Variants in CR2 observed in about 807,000 individuals in gnomAD.
CR2 encodes the protein complement receptor type 2.
Under a neutral mutation model 123.0 loss-of-function variants are expected in CR2, and 96 were observed. The observed-to-expected ratio is 0.78, with a 90% CI of 0.66 to 0.93. The LOEUF is 0.93. Ranked by LOEUF, CR2 falls within the 40% of genes least tolerant of loss-of-function variation. CR2 has a pLI of 0.00. For synonymous variants in CR2, 484 were observed against 469.5 expected (o/e 1.03, Z -0.40); for missense variants, 1,258 against 1,361.0 (o/e 0.92, Z 1.19).
intron 18 of CR2, among the ~76,000 whole-genome samples, chr1:207,484,175 T>G (rs542621942): frequency 7.2e-5 from 11 of 152,306 alleles, no homozygotes; most frequent in African/African-American, 2.4e-4. Flanking sequence ...GTATAAAAAT[T>G]TGCAAATTTG....
chr1:207,459,462 T>C (rs887924451), intron 1 of CR2, among the ~76,000 whole-genome samples: 2 of 152,182 alleles, frequency 1.3e-5, no homozygotes, highest in Non-Finnish European at 2.9e-5. Flanking sequence ...ATAATGATTT[T>C]CCCTCCTACC....
chr1:207,486,230 C>CAAAAAAAAAAAAAAAAAAA lies in CR2; in HGVS notation c.*18+666_*18+684dup, dbSNP rs1173937738. 5.3e-4 allele frequency among the ~76,000 whole-genome samples: 23 copies of CAAAAAAAAAAAAAAAAAAA among 43,002 alleles called. 2 individuals carry two copies. Among genetic ancestry groups the CAAAAAAAAAAAAAAAAAAA allele is most frequent in the South Asian group, 2.9e-3 (2 of 690 alleles). 28.2% of individuals were successfully genotyped at this position (43,002 alleles called of 152,430 possible). A position where few individuals can be genotyped will look rare whatever the true frequency, so the allele number is the denominator to read the frequency against. ...TGGACAACAGAGCAAGACTGCATCTCAAAAAAAAAAAAAAAAAAAAAAAAA... is the reference window on the plus strand; with the variant it reads ...TGGACAACAGAGCAAGACTGCATCTCAAAAAAAAAAAAAAAAAAAAAAAAAAAAAAAAAAAAAAAAAAAA... On this transcript the variant is annotated intron_variant, in intron 19 of 19. Transcript: ENST00000367057.
chr1:207,456,250 C>T lies in CR2; in HGVS notation c.58+1774C>T, dbSNP rs138602647. ...GCTCATGGTCTTCCCCACCTGTCTC[C>T]CATGGCTCATGCTTTGCCCACTCTC... On this transcript the variant is annotated intron_variant, in intron 1 of 19. Transcript: ENST00000367057. Among the ~76,000 whole-genome samples the T allele has an allele frequency of 2.0e-5, 3 of 152,292 alleles. No individual in the cohort carries two copies. The East Asian group carries it at 5.8e-4, about 29-fold the overall frequency.
intron 19 of CR2, among the ~76,000 whole-genome samples, chr1:207,488,051 C>G (rs1398847037): frequency 6.6e-6 from 1 of 152,184 alleles, no homozygotes; most frequent in Non-Finnish European, 1.5e-5. Flanking sequence ...TACAGAAAGG[C>G]CGACAGGCCA....
intron 19 of CR2, among the ~76,000 whole-genome samples, chr1:207,486,753 A>G (rs1172561115): frequency 6.6e-6 from 1 of 152,246 alleles, no homozygotes; most frequent in African/African-American, 2.4e-5. Context: ...AGAATATGAG[A>G]GGAAGAGAGC....
intron 18 of CR2, 108 bp downstream of exon 18, chr1:207,480,161 G>C (rs1303044568): frequency 1.2e-6 from 1 of 815,570 alleles, no homozygotes; most frequent in African/African-American, 1.7e-5. Flanking sequence ...ATACTGCAAT[G>C]TGATAACTAA....
In CR2 at chr1:207,469,142, G is replaced by A. The variant is rs771024465; in HGVS notation, c.735-8G>A. The A allele has an allele frequency of 6.2e-7, 1 of 1,613,254 alleles. No individual in the cohort carries two copies. Among genetic ancestry groups the A allele is most frequent in the East Asian group, 2.2e-5 (1 of 44,888 alleles). Reference sequence around the variant, plus strand: ...TAATAGTTCTGAATGACAACCTTCTGTCTCCAGGTATCGACTGCAAGGCCC... The same window carrying A: ...TAATAGTTCTGAATGACAACCTTCTATCTCCAGGTATCGACTGCAAGGCCC... On this transcript the variant is annotated splice_polypyrimidine_tract_variant and splice_region_variant and intron_variant, in intron 4 of 19. Transcript: ENST00000367057.
rs1658443477 is a variant in CR2 at position 207,476,422 on chromosome 1, GCTTT to G, written c.2902+4_2902+7del. On this transcript the variant is annotated splice_donor_5th_base_variant and intron_variant, in intron 15 of 19. Transcript: ENST00000367057. ...CCAACCTGCCCCTCATTGTAAAGGT[GCTTT>G]GTCTATTTTTTATTCTTATTTTTAT... 6.2e-7 allele frequency: 1 copy of G among 1,612,378 alleles called. No homozygotes were observed. The highest frequency in any genetic ancestry group is 1.3e-5 in the African/African-American group (1 of 74,836).
intron 8 of CR2, 148 bp downstream of exon 8, chr1:207,471,235 G>A: frequency 1.1e-6 from 1 of 931,542 alleles, no homozygotes; most frequent in South Asian, 1.3e-5. Flanking sequence ...TCATGGAAGT[G>A]TCTATCATAC....
Position 207,478,204 on chromosome 1 carries a change from C to T in CR2, c.3088+134C>T. On this transcript the variant is annotated intron_variant, in intron 16 of 19. Coordinates refer to ENST00000367057, the MANE Select transcript of CR2 (RefSeq NM_001006658.3). ...GACCAGTTGTATAATTACAGAGGAA[C>T]TTGAAGTCAGTGGTCTATTCTAGAA... 2.0e-6 allele frequency: 2 copies of T among 986,716 alleles called. 1 individual carries two copies. Among genetic ancestry groups the T allele is most frequent in the East Asian group, 5.3e-5 (2 of 38,070 alleles). 61.1% of individuals were successfully genotyped at this position (986,716 alleles called of 1,614,324 possible).
chr1:207,475,224 A>G lies in CR2; in HGVS notation c.2716+8A>G. The G allele has an allele frequency of 6.2e-7, 1 of 1,613,844 alleles. No homozygotes were observed. The highest frequency in any genetic ancestry group is 8.5e-7 in the Non-Finnish European group (1 of 1,179,836). On this transcript the variant is annotated splice_region_variant and intron_variant, in intron 14 of 19. Coordinates refer to ENST00000367057, the MANE Select transcript of CR2 (RefSeq NM_001006658.3). Reference sequence around the variant, plus strand: ...CAACTTGTATCAAAAAAGGTAAGATACTTGGAAGGGATAAGTTATGGGATG... The same window carrying G: ...CAACTTGTATCAAAAAAGGTAAGATGCTTGGAAGGGATAAGTTATGGGATG...
chr1:207,471,680 A>G (rs963176379), intron 9 of CR2, among the ~76,000 whole-genome samples, 181 bp downstream of exon 9: 1 of 152,190 alleles, frequency 6.6e-6, no homozygotes, highest in Admixed American at 6.5e-5. Flanking sequence ...TTCTTCATCA[A>G]TAACTTAAAT....
chr1:207,469,784 T>C lies in CR2; in HGVS notation c.907T>C (p.Tyr303His), dbSNP rs544623315. 1 of 1,613,970 alleles carries C rather than the reference T, an allele frequency of 6.2e-7. No homozygotes were observed. The highest frequency in any genetic ancestry group is 1.1e-5 in the South Asian group (1 of 91,078). ...TGTCTCATATGGAAGCATAGTCACT[T>C]ACACTTGTGACCCGGACCCAGAGGA... ...ANVSYGSIVTYTCDPDPEEGV... is the reference protein window; with the variant it reads ...ANVSYGSIVTHTCDPDPEEGV... The change falls in exon 6 of 20, where the codon TAC becomes CAC. Residue 303 changes from tyrosine to histidine, a missense_variant. Coordinates refer to ENST00000367057, the MANE Select transcript of CR2 (RefSeq NM_001006658.3).
intron 17 of CR2, 23 bp from the exon 18 acceptor site, chr1:207,479,955 T>C (rs1658557822): frequency 6.3e-7 from 1 of 1,583,758 alleles, no homozygotes; most frequent in Non-Finnish European, 8.7e-7. Context: ...TGGCATTTGA[T>C]ACTTGCTGGA....
Position 207,471,052 on chromosome 1 carries a change from T to G in CR2, c.1458T>G (p.Phe486Leu). 1 of 1,613,782 alleles carries G rather than the reference T, an allele frequency of 6.2e-7. No homozygotes were observed. The highest frequency in any genetic ancestry group is 8.5e-7 in the Non-Finnish European group (1 of 1,179,824). The stretch of plus-strand genomic sequence containing the variant: ...TCTTGACAAAACCCCAGCACCAATT[T>G]GTTAGACCAGATGTCAACTCTTCTT... ...RQLLTKPQHQFVRPDVNSSCG... is the reference protein window; with the variant it reads ...RQLLTKPQHQLVRPDVNSSCG... Residue 486 changes from phenylalanine (F) to leucine (L), a missense_variant, in exon 8 of 20, where the codon TTT becomes TTG. Phe to Leu is a conservative substitution (Grantham distance 22). Coordinates refer to ENST00000367057, the MANE Select transcript of CR2 (RefSeq NM_001006658.3).
In CR2 at chr1:207,470,079, C is replaced by T. The variant is rs1211245229; in HGVS notation, c.1202C>T (p.Pro401Leu). 1 of 1,613,766 alleles carries T rather than the reference C, an allele frequency of 6.2e-7. No individual in the cohort carries two copies. Residue 401 changes from proline to leucine, a missense_variant, in exon 6 of 20, where the codon CCA becomes CTA. By Grantham distance (98) the Pro-to-Leu change is moderately conservative. Transcript: ENST00000367057. ...TGCAATGCCCAAGGCACATGGGAGC[C>T]ATCTGCACCAGTCTGTGAAAAGGGT... ...IRCNAQGTWE[P>L]SAPVCEKECQ...
intron 1 of CR2, among the ~76,000 whole-genome samples, chr1:207,465,559 C>T (rs1183981622): frequency 6.6e-6 from 1 of 152,122 alleles, no homozygotes; most frequent in Non-Finnish European, 1.5e-5. Flanking sequence ...TGTATAAAGA[C>T]AACAGTTCTC....
At position 207,488,495 on chromosome 1, in the gene CR2, G is replaced by A. The variant is rs564002482; in HGVS notation, c.*19-647G>A. Among the ~76,000 whole-genome samples the A allele has an allele frequency of 3.3e-5, 5 of 152,206 alleles. No individual in the cohort carries two copies. The South Asian group carries it at 1.0e-3, about 32-fold the overall frequency. On this transcript the variant is annotated intron_variant, in intron 19 of 19. Coordinates refer to ENST00000367057, the MANE Select transcript of CR2 (RefSeq NM_001006658.3). Reference sequence around the variant, plus strand: ...AAAAATTAGCTGGGTTTGATGGCACGTGCCTGTAATCCCAGCTACTCGGGA... The same window carrying A: ...AAAAATTAGCTGGGTTTGATGGCACATGCCTGTAATCCCAGCTACTCGGGA...
chr1:207,460,176 G>A lies in CR2; in HGVS notation c.58+5700G>A, dbSNP rs147846150. On this transcript the variant is annotated intron_variant, in intron 1 of 19. Coordinates refer to ENST00000367057, the MANE Select transcript of CR2 (RefSeq NM_001006658.3). The stretch of plus-strand genomic sequence containing the variant: ...CTAGTACAAGTAGTATCAGGATCAT[G>A]AAGTTTGTCTTCATTGAGGTCAAAC... Among the ~76,000 whole-genome samples the A allele has an allele frequency of 2.8e-4, 42 of 152,300 alleles. No homozygotes were observed. The East Asian group carries it at 7.3e-3, about 27-fold the overall frequency.
Sources: allele counts gnomAD v4.1 joint callset (sites outside exome capture counted in the v4.1 genomes callset), GRCh38; gene constraint gnomAD v4.1.1; transcripts MANE v1.5; gene names NCBI Gene and HGNC (gene_info 2026-07-23, HGNC 2026-07-21).